BRCA2: variants seen among roughly 807,000 people sequenced by gnomAD.
BRCA2 encodes BRCA2 DNA repair associated, also known as breast cancer type 2 susceptibility protein.
A neutral mutation model predicts 276.7 loss-of-function variants in BRCA2; 203 were observed. The ratio of observed to expected loss-of-function variants is 0.73; its 90% CI spans 0.65 to 0.82. The LOEUF is 0.82. Among genes scored for constraint, BRCA2 ranks in the 40% least tolerant of loss-of-function variants. The pLI is 0.00. For missense variants in BRCA2, 3,920 were observed against 3,915.0 expected (o/e 1.00, Z -0.03); for synonymous variants, 1,289 against 1,338.4 (o/e 0.96, Z 0.81).
rs564151489 is a variant in BRCA2 at position 32,335,103 on chromosome 13, G to A, written c.1910-1162G>A. 3.3e-5 allele frequency among the ~76,000 whole-genome samples: 5 copies of A among 152,274 alleles called. No individual in the cohort carries two copies. The East Asian group carries it at 7.7e-4, about 24-fold the overall frequency. On this transcript the variant is annotated intron_variant, in intron 10 of 26. Coordinates refer to ENST00000380152, the MANE Select transcript of BRCA2 (RefSeq NM_000059.4). ...TCACGCCTATAATCCCAGCACTTTGGGAGGCCAAGGCAGGCAGATCACTTA... is the reference window on the plus strand; with the variant it reads ...TCACGCCTATAATCCCAGCACTTTGAGAGGCCAAGGCAGGCAGATCACTTA...
rs2238163 is a variant in BRCA2, at chr13:32,385,702, A to G, written c.9256+5557A>G. 6 of 195,880 alleles carry G rather than the reference A, an allele frequency of 3.1e-5. No homozygotes were observed. The East Asian group carries it at 9.0e-4, about 29-fold the overall frequency. 12.1% of individuals were successfully genotyped at this position (195,880 alleles called of 1,614,324 possible). On this transcript the variant is annotated intron_variant, in intron 24 of 26. Transcript: ENST00000380152. ...AAAGCCCACATTTGAGGTTGCCTAT[A>G]TAGAACTGGCAGGAAAGTATATAGA...
intron 21 of BRCA2, among the ~76,000 whole-genome samples, chr13:32,377,320 G>C (rs530447892): frequency 2.0e-4 from 30 of 152,244 alleles, no homozygotes; most frequent in African/African-American, 7.0e-4. Context: ...GGCCAGGCGC[G>C]GTGGCTCACG....
intron 13 of BRCA2, among the ~76,000 whole-genome samples, chr13:32,354,529 C>G (rs2072673578): frequency 6.6e-6 from 1 of 152,004 alleles, no homozygotes; most frequent in South Asian, 2.1e-4. Context: ...GTAGAGAGTT[C>G]AGGTGAAGAT....
chr13:32,376,821 C>T (rs2137613776), intron 21 of BRCA2, 30 bp downstream of exon 21: 3 of 1,612,404 alleles, frequency 1.9e-6, no homozygotes, highest in Non-Finnish European at 2.5e-6. Flanking sequence ...TATAATGAGG[C>T]TTGATGATTA....
At chr13:32,316,606 C>T (rs749389200) in intron 2 of BRCA2, 79 bp downstream of exon 2, 26 of 1,227,460 alleles carry the variant, frequency 2.1e-5, no homozygotes, top group South Asian at 3.8e-5. Flanking sequence ...AAACCCAGTA[C>T]GTCACAGTGT....
chr13:32,350,744 C>G (rs2072643180), intron 13 of BRCA2, among the ~76,000 whole-genome samples: 1 of 151,622 alleles, frequency 6.6e-6, no homozygotes. Context: ...GAGAGCGAGA[C>G]TCCGTCTCAA....
rs761412178 is a variant in BRCA2 at position 32,355,311 on chromosome 13, A to G, written c.7435+23A>G. 196 of 1,612,666 alleles carry G rather than the reference A, an allele frequency of 1.2e-4. No individual in the cohort carries two copies. The highest frequency in any genetic ancestry group is 1.5e-4 in the Non-Finnish European group (176 of 1,179,424). On this transcript the variant is annotated intron_variant, in intron 14 of 26. Coordinates refer to ENST00000380152, the MANE Select transcript of BRCA2 (RefSeq NM_000059.4). ...TAGGTATTGTATGACAATTTGTGTG[A>G]TGAATTTTTGCCTTTCAGTTAGATA...
At chr13:32,352,695 T>A (rs1346016980) in intron 13 of BRCA2, among the ~76,000 whole-genome samples, 5 of 152,170 alleles carry the variant, frequency 3.3e-5, no homozygotes, top group African/African-American at 1.2e-4. Flanking sequence ...TCTGATAAGT[T>A]GAAACCTAGG....
rs11571749 is a variant in BRCA2, at chr13:32,371,595, A to C, written c.8632+495A>C. 4.5e-3 allele frequency among the ~76,000 whole-genome samples: 688 copies of C among 152,222 alleles called. 4 individuals are homozygous for C. Among genetic ancestry groups the C allele is most frequent in the Non-Finnish European group, 7.2e-3 (490 of 67,996 alleles). ...CATGTCCTATAGAACTATAAGTTAC[A>C]TGTCCTATAGAACTTACAGTTCTAT... is the stretch of plus-strand genomic sequence containing the variant. On this transcript the variant is annotated intron_variant, in intron 20 of 26. Transcript: ENST00000380152.
Position 32,336,468 on chromosome 13 carries a change from G to C in BRCA2, c.2113G>C (p.Glu705Gln), listed in dbSNP as rs2137483407. Residue 705 changes from glutamate (E) to glutamine (Q), a missense_variant, in exon 11 of 27, where the codon GAA becomes CAA. Glu to Gln is a conservative substitution (Grantham distance 29, BLOSUM62 2). This residue lies in a region of BRCA2 where 3,263 missense variants were observed against 3,156.9 expected (regional missense o/e 1.03). Transcript: ENST00000380152. ...KEKLQLFITP[E>Q]ADSLSCLQEG... ...AAAACTACAGTTATTTATTACCCCA[G>C]AAGCTGATTCTCTGTCATGCCTGCA... The C allele has an allele frequency of 6.2e-7, 1 of 1,614,040 alleles. No individual in the cohort carries two copies. The highest frequency in any genetic ancestry group is 8.5e-7 in the Non-Finnish European group (1 of 1,179,996).
chr13:32,337,713 G>C lies in BRCA2; in HGVS notation c.3358G>C (p.Glu1120Gln), dbSNP rs587778124. The C allele has an allele frequency of 6.2e-6, 10 of 1,612,870 alleles. No individual in the cohort carries two copies. The South Asian group carries it at 1.1e-4, about 18-fold the overall frequency. ...TACAGAACTTTCTACTATATTAGAA[G>C]AATCAGGAAGTCAGTTTGAATTTAC... ...EITELSTILE[E>Q]SGSQFEFTQF... Residue 1120 changes from glutamate to glutamine, a missense_variant, in exon 11 of 27, where the codon GAA becomes CAA. Physicochemically the swap from Glu to Gln is conservative, Grantham distance 29. Coordinates refer to ENST00000380152, the MANE Select transcript of BRCA2 (RefSeq NM_000059.4).
chr13:32,341,030 A>G lies in BRCA2; in HGVS notation c.6675A>G (p.Thr2225=), dbSNP rs28897741. 4.2e-5 allele frequency: 68 copies of G among 1,613,682 alleles called. 1 individual carries two copies. Among genetic ancestry groups the G allele is most frequent in the Admixed American group, 2.5e-4 (15 of 59,980 alleles). ...YSKDSENYFE[T]EAVEIAKAFM... Reference sequence around the variant, plus strand: ...AAGATTCAGAAAACTACTTTGAAACAGAAGCAGTAGAAATTGCTAAAGCTT... The same window carrying G: ...AAGATTCAGAAAACTACTTTGAAACGGAAGCAGTAGAAATTGCTAAAGCTT... The change falls in exon 11 of 27, where the codon ACA becomes ACG. Residue 2225 remains threonine (T), a synonymous_variant. Transcript: ENST00000380152.
rs902669626 is a variant in BRCA2, at chr13:32,400,057, A to AT, written c.*1289dup. On this transcript the variant is annotated 3_prime_UTR_variant, in exon 27 of 27. Transcript: ENST00000380152. The stretch of plus-strand genomic sequence containing the variant: ...TGCCTCAGCCTCCCAAAGTGCTGGG[A>AT]TTATAGGCGTGAGCCACTGTGCCCG... 1 of 152,226 alleles carries AT rather than the reference A, an allele frequency of 6.6e-6. No individual in the cohort carries two copies. Among genetic ancestry groups the AT allele is most frequent in the Non-Finnish European group, 1.5e-5 (1 of 68,060 alleles). The allele number at this position is 152,226 out of a possible 1,614,324, so 9.4% of individuals were successfully genotyped here.
At chr13:32,344,796 T>C (rs943097388) in intron 12 of BRCA2, 143 bp downstream of exon 12, 5 of 599,292 alleles carry the variant, frequency 8.3e-6, no homozygotes, top group Non-Finnish European at 1.5e-5. Context: ...CTCTTTATAC[T>C]CTTAAAAATT....
In BRCA2 at chr13:32,338,946, A is replaced by G. The variant is rs1555283865; in HGVS notation, c.4591A>G (p.Lys1531Glu). 6.2e-7 allele frequency: 1 copy of G among 1,613,946 alleles called. No individual in the cohort carries two copies. Among genetic ancestry groups the G allele is most frequent in the Non-Finnish European group, 8.5e-7 (1 of 1,179,916 alleles). ...LLGFHTASGK[K>E]VKIAKESLDK... ...GGGTTTTCATACAGCTAGCGGGAAA[A>G]AAGTTAAAATTGCAAAGGAATCTTT... The change falls in exon 11 of 27, where the codon AAA becomes GAA. Residue 1531 changes from lysine to glutamate, a missense_variant. This residue lies in a region of BRCA2 where 3,263 missense variants were observed against 3,156.9 expected (regional missense o/e 1.03). Transcript: ENST00000380152.
rs80359512 is a variant in BRCA2, at chr13:32,339,763, CTG to C, written c.5410_5411del (p.Val1804LysfsTer2). 1.2e-6 allele frequency: 2 copies of C among 1,613,878 alleles called. No homozygotes were observed. Among genetic ancestry groups the C allele is most frequent in the Non-Finnish European group, 1.7e-6 (2 of 1,179,874 alleles). On this transcript the variant is annotated frameshift_variant, in exon 11 of 27. Transcript: ENST00000380152. LOFTEE classifies it high-confidence loss of function. ...AAAGATGCAAATGCATACCCACAAA[CTG>C]TAAATGAAGATATTTGCGTTGAGGA...
At chr13:32,373,343 G>T (rs1206583218) in intron 20 of BRCA2, among the ~76,000 whole-genome samples, 2 of 150,388 alleles carry the variant, frequency 1.3e-5, no homozygotes, top group African/African-American at 4.9e-5. Context: ...CTGTTTCTAT[G>T]AAAAATTCAA....
In BRCA2 at chr13:32,332,638, T is replaced by G. The variant is rs373945846; in HGVS notation, c.1160T>G (p.Val387Gly). Residue 387 changes from valine to glycine, a missense_variant, in exon 10 of 27, where the codon GTT (valine) becomes GGT (glycine). Transcript: ENST00000380152. The part of the protein sequence containing the change: ...ESGSDKISKE[V>G]VPSLACEWSQ... ...GGAAGTGACAAAATCTCCAAGGAAG[T>G]TGTACCGTCTTTGGCCTGTGAATGG... 2 of 1,614,048 alleles carry G rather than the reference T, an allele frequency of 1.2e-6. No homozygotes were observed. Among genetic ancestry groups the G allele is most frequent in the African/African-American group, 2.7e-5 (2 of 75,030 alleles).
intron 24 of BRCA2, among the ~76,000 whole-genome samples, chr13:32,387,253 TTAGA>T (rs746795936): frequency 2.0e-5 from 3 of 152,174 alleles, no homozygotes; most frequent in Non-Finnish European, 4.4e-5. Context: ...ATAATACAAA[TTAGA>T]TATAGAGATG....
Sources: gnomAD v4.1 joint callset for allele counts (sites outside exome capture counted in the v4.1 genomes callset) on GRCh38, gnomAD v4.1.1 for gene constraint, gnomAD v4.1.1 regional missense constraint, MANE v1.5 for transcripts, NCBI Gene and HGNC (gene_info 2026-07-23, HGNC 2026-07-21) for gene names.